RBPJ: variants seen among roughly 807,000 people sequenced by gnomAD.
RBPJ encodes the protein recombining binding protein suppressor of hairless.
A neutral mutation model predicts 67.8 loss-of-function variants in RBPJ; 9 were observed. The observed-to-expected ratio is 0.13, with a 90% CI of 0.08 to 0.23. The LOEUF (loss-of-function observed/expected upper bound fraction) is 0.23. RBPJ is among the 10% of genes least tolerant of loss of function. The probability of loss-of-function intolerance (pLI) is 1.00; values close to 1 mark genes in which losing one functional copy is unlikely to be tolerated. For synonymous variants in RBPJ, 198 were observed against 203.3 expected (o/e 0.97, Z 0.22); for missense variants, 305 against 595.6 (o/e 0.51, Z 5.08).
chr4:26,301,950 G>T (rs559964024), intron 1 of RBPJ, among the ~76,000 whole-genome samples: 1 of 152,100 alleles, frequency 6.6e-6, no homozygotes, highest in Admixed American at 6.5e-5. Flanking sequence ...GCGCCACCAG[G>T]CCCAGCTATT....
chr4:26,106,556 C>T, the RBPJ span, among the ~76,000 whole-genome samples: 84 of 152,232 alleles, frequency 5.5e-4, no homozygotes, highest in African/African-American at 1.7e-3. Context: ...GATTGTGGCT[C>T]GGATGGGGTA....
intron 1 of RBPJ, among the ~76,000 whole-genome samples, chr4:26,210,983 GAAGCAA>G (rs2109171565): frequency 6.6e-6 from 1 of 151,994 alleles, no homozygotes; most frequent in East Asian, 1.9e-4. Context: ...CTTGTAAGCA[GAAGCAA>G]AGTAATTTCA....
chr4:26,178,232 G>A (rs1448949480), intron 1 of RBPJ, among the ~76,000 whole-genome samples: 1 of 152,208 alleles, frequency 6.6e-6, no homozygotes, highest in Non-Finnish European at 1.5e-5. Flanking sequence ...AAGAGCAGGT[G>A]TCTTCCAGAG....
intron 4 of RBPJ, among the ~76,000 whole-genome samples, chr4:26,416,711 G>C (rs1734627229): frequency 1.3e-5 from 2 of 152,256 alleles, no homozygotes; most frequent in South Asian, 4.1e-4. Flanking sequence ...GAATATTTTA[G>C]TGTTTGCTAT....
At chr4:26,394,125 C>T (rs996355634) in intron 2 of RBPJ, among the ~76,000 whole-genome samples, 6 of 150,902 alleles carry the variant, frequency 4.0e-5, no homozygotes, top group Admixed American at 6.6e-5. Flanking sequence ...TTCCCGGGTT[C>T]GCGCCATTCT....
chr4:26,377,393 C>A (rs1021213816), intron 1 of RBPJ, among the ~76,000 whole-genome samples: 1 of 152,172 alleles, frequency 6.6e-6, no homozygotes, highest in Non-Finnish European at 1.5e-5. Context: ...TCAAGTGACA[C>A]TTTTCAGGTC....
At chr4:26,214,071 GC>G (rs1480941380) in intron 1 of RBPJ, among the ~76,000 whole-genome samples, 1 of 151,736 alleles carries the variant, frequency 6.6e-6, no homozygotes, top group African/African-American at 2.4e-5. Flanking sequence ...GATCACTTAA[GC>G]TCAGGAGCTC....
chr4:26,366,190 T>C (rs1268587012), intron 1 of RBPJ, among the ~76,000 whole-genome samples: 1 of 152,232 alleles, frequency 6.6e-6, no homozygotes, highest in Non-Finnish European at 1.5e-5. Flanking sequence ...ACTATGAAAC[T>C]CAGTCTAATA....
chr4:26,320,955 C>A (rs997501255), upstream of RBPJ: 3 of 1,436,932 alleles, frequency 2.1e-6, no homozygotes, highest in African/African-American at 3.0e-5. Flanking sequence ...AGGGAAGGGG[C>A]GGGGGAGAGG....
At chr4:26,378,525 T>A (rs967113652) in intron 1 of RBPJ, among the ~76,000 whole-genome samples, 2 of 152,132 alleles carry the variant, frequency 1.3e-5, no homozygotes, top group Non-Finnish European at 2.9e-5. Context: ...TGGAAAGACA[T>A]TAACTAAACC....
rs374650853 is a variant in RBPJ at position 26,214,524 on chromosome 4, G to A, written c.-167+50910G>A. Among the ~76,000 whole-genome samples, 490 of 52,000 alleles carry A rather than the reference G, an allele frequency of 9.4e-3. 6 individuals are homozygous for A. The highest frequency in any genetic ancestry group is 0.077 in the South Asian group (98 of 1,272). The allele number at this position is 52,000 out of a possible 152,430, so 34.1% of individuals were successfully genotyped here. ...GGGAGGGAAGGAGGAAGGGAGGGAG[G>A]GAAGGAGGAAGGGAGGGAGGGAGGG... On this transcript the variant is annotated intron_variant, in intron 1 of 4. Coordinates refer to the RBPJ transcript ENST00000512351.
At chr4:26,113,791 C>A in the RBPJ span, 1 of 248,040 alleles carries the variant, frequency 4.0e-6, no homozygotes, top group Non-Finnish European at 8.9e-6. Flanking sequence ...CAGCTCTCAC[C>A]AAACATCAGA....
intron 3 of RBPJ, among the ~76,000 whole-genome samples, chr4:26,411,975 C>T (rs1321503627): frequency 1.3e-5 from 2 of 150,952 alleles, no homozygotes; most frequent in Non-Finnish European, 3.0e-5. Flanking sequence ...ATTAGCCAGG[C>T]GTGGTGGCGG....
chr4:26,295,774 T>G (rs1210636630), intron 1 of RBPJ, among the ~76,000 whole-genome samples: 2 of 152,204 alleles, frequency 1.3e-5, no homozygotes, highest in Non-Finnish European at 2.9e-5. Context: ...CAGTGTGGGC[T>G]GGTCCAATAA....
At chr4:26,252,080 GT>G (rs567577696) in intron 1 of RBPJ, among the ~76,000 whole-genome samples, 9,701 of 139,994 alleles carry the variant, frequency 0.069, 860 homozygotes, top group African/African-American at 0.21. Flanking sequence ...GTTTTAACTA[GT>G]TTTTTTTTTT....
At chr4:26,222,645 T>TATATATATATAC in intron 1 of RBPJ, among the ~76,000 whole-genome samples, 1 of 146,658 alleles carries the variant, frequency 6.8e-6, no homozygotes, top group East Asian at 2.0e-4. Context: ...TATATATATA[T>TATATATATATAC]ATATATATAT....
intron 1 of RBPJ, among the ~76,000 whole-genome samples, chr4:26,329,671 G>C (rs1307542821): frequency 6.6e-6 from 1 of 152,130 alleles, no homozygotes; most frequent in Non-Finnish European, 1.5e-5. Flanking sequence ...GAGGCGGGCG[G>C]ATCACGAGGT....
At chr4:26,345,270 G>T (rs1341328410) in intron 1 of RBPJ, among the ~76,000 whole-genome samples, 1 of 152,202 alleles carries the variant, frequency 6.6e-6, no homozygotes, top group East Asian at 1.9e-4. Context: ...ATCTCTTTGT[G>T]TAACATTTAA....
the RBPJ span, among the ~76,000 whole-genome samples, chr4:26,143,344 T>C: frequency 6.6e-6 from 1 of 152,158 alleles, no homozygotes; most frequent in African/African-American, 2.4e-5. Flanking sequence ...ACAGGTAAGT[T>C]GTATCACGTC....
Sources: gnomAD v4.1 joint callset for allele counts (sites outside exome capture counted in the v4.1 genomes callset) on GRCh38, gnomAD v4.1.1 for gene constraint, MANE v1.5 for transcripts, NCBI Gene and HGNC (gene_info 2026-07-23, HGNC 2026-07-21) for gene names.